The following ECT2 variants were observed in gnomAD, a reference collection of about 807,000 sequenced individuals.
ECT2 encodes protein ECT2.
Under a neutral mutation model 116.9 loss-of-function variants are expected in ECT2, and 61 were observed. That is an observed-to-expected ratio of 0.52 (90% CI 0.42 to 0.65). The LOEUF is 0.65. ECT2 is among the 30% of genes least tolerant of loss of function. ECT2 has a pLI of 0.00. For missense variants in ECT2, 937 were observed against 1,078.7 expected, an observed-to-expected ratio of 0.87 and a Z score of 1.84; for synonymous variants, 358 against 346.4, an observed-to-expected ratio of 1.03 and a Z score of -0.37.
intron 22 of ECT2, among the ~76,000 whole-genome samples, chr3:172,809,074 T>G (rs1489207408): frequency 6.6e-6 from 1 of 151,348 alleles, no homozygotes; most frequent in Non-Finnish European, 1.5e-5. Flanking sequence ...CATTGTAAGG[T>G]TTTTTTTTGT....
intron 4 of ECT2, among the ~76,000 whole-genome samples, chr3:172,756,434 G>C (rs1717002761): frequency 6.6e-6 from 1 of 152,032 alleles, no homozygotes; most frequent in African/African-American, 2.4e-5. Context: ...TGCTGCAACT[G>C]CTACATATTG....
chr3:172,829,014 C>T, the ECT2 span: 1 of 921,796 alleles, frequency 1.1e-6, no homozygotes, highest in Admixed American at 1.7e-5. Context: ...TGGTCTGGAA[C>T]TCCTGTCTGG....
intron 14 of ECT2, among the ~76,000 whole-genome samples, chr3:172,776,191 G>GTTTTTTT (rs1294531373): frequency 1.9e-5 from 2 of 106,978 alleles, no homozygotes; most frequent in African/African-American, 8.0e-5. Context: ...TAGTTTTTCA[G>GTTTTTTT]TTTTTTCTTT....
intron 12 of ECT2, among the ~76,000 whole-genome samples, chr3:172,767,116 G>A (rs1362448390): frequency 6.6e-6 from 1 of 152,206 alleles, no homozygotes; most frequent in Admixed American, 6.5e-5. Context: ...TGTTTGACAA[G>A]TGGGAAATTT....
intron 18 of ECT2, among the ~76,000 whole-genome samples, chr3:172,793,457 T>C (rs955340177): frequency 6.7e-6 from 1 of 148,214 alleles, no homozygotes; most frequent in African/African-American, 2.5e-5. Flanking sequence ...CCAGCCTATT[T>C]TTTACTTTTT....
chr3:172,815,741 C>A, intron 23 of ECT2, 30 bp downstream of exon 23: 1 of 1,301,306 alleles, frequency 7.7e-7, no homozygotes, highest in Non-Finnish European at 1.1e-6. Flanking sequence ...TTATTTAGCA[C>A]ATCTCTAACA....
At chr3:172,754,925 A>G (rs1716658247) in intron 2 of ECT2, among the ~76,000 whole-genome samples, 1 of 152,104 alleles carries the variant, frequency 6.6e-6, no homozygotes, top group Non-Finnish European at 1.5e-5. Flanking sequence ...CTACAGCATT[A>G]TTAGCTAGAA....
chr3:172,768,113 C>T (rs945206765), intron 12 of ECT2, among the ~76,000 whole-genome samples: 3 of 152,058 alleles, frequency 2.0e-5, no homozygotes, highest in East Asian at 3.9e-4. Context: ...TTTTATATTA[C>T]GTTAAGACAG....
chr3:172,793,954 G>A (rs1278413222), intron 18 of ECT2, among the ~76,000 whole-genome samples: 1 of 150,958 alleles, frequency 6.6e-6, no homozygotes, highest in East Asian at 1.9e-4. Flanking sequence ...TGTTTTTTTT[G>A]TAATTGAATT....
chr3:172,816,712 T>C lies in ECT2; in HGVS notation c.2530T>C (p.Ser844Pro). The C allele has an allele frequency of 6.2e-7, 1 of 1,604,758 alleles. No individual in the cohort carries two copies. The highest frequency in any genetic ancestry group is 1.7e-5 in the Admixed American group (1 of 59,600). The change falls in exon 24 of 25, where the codon TCC becomes CCC. Residue 844 changes from serine to proline, a missense_variant. Transcript: ENST00000392692. ...SKKVTRAFSFSKTPKRALRRA... is the reference protein window; with the variant it reads ...SKKVTRAFSFPKTPKRALRRA... ...CTAGGTTACAAGAGCATTCTCTTTC[T>C]CCAAAACTCCAAAAAGAGCTCTTCG...
chr3:172,758,677 G>T (rs1237138942), intron 5 of ECT2, among the ~76,000 whole-genome samples: 11 of 152,124 alleles, frequency 7.2e-5, no homozygotes, highest in Admixed American at 7.2e-4. Context: ...TGAAAACTTT[G>T]CTTATAGTCA....
intron 18 of ECT2, among the ~76,000 whole-genome samples, chr3:172,787,286 C>T (rs1723775660): frequency 6.6e-6 from 1 of 152,130 alleles, no homozygotes; most frequent in Non-Finnish European, 1.5e-5. Flanking sequence ...ATGAGAGTTT[C>T]TTGAAAGACT....
At chr3:172,826,817 G>A in the ECT2 span, among the ~76,000 whole-genome samples, 1 of 152,212 alleles carries the variant, frequency 6.6e-6, no homozygotes, top group African/African-American at 2.4e-5. Context: ...AAGCTAAAAG[G>A]CATCTTTACA....
chr3:172,767,318 G>A (rs1307677314), intron 12 of ECT2, among the ~76,000 whole-genome samples: 1 of 152,096 alleles, frequency 6.6e-6, no homozygotes, highest in Non-Finnish European at 1.5e-5. Flanking sequence ...GTGTGCGCCT[G>A]TAATCCCAGC....
chr3:172,793,386 ATC>A (rs1725029292), intron 18 of ECT2, among the ~76,000 whole-genome samples: 3 of 151,914 alleles, frequency 2.0e-5, no homozygotes, highest in African/African-American at 7.3e-5. Flanking sequence ...GTTGGCCTCG[ATC>A]TCCTGACCTC....
intron 17 of ECT2, 119 bp from the exon 18 acceptor site, chr3:172,786,374 A>G (rs1723609737): frequency 3.1e-6 from 2 of 638,490 alleles, no homozygotes; most frequent in South Asian, 5.3e-5. Flanking sequence ...AAACTTTTTA[A>G]AAAATAAGGA....
intron 7 of ECT2, among the ~76,000 whole-genome samples, chr3:172,760,480 C>T (rs997479271): frequency 6.6e-6 from 1 of 151,104 alleles, no homozygotes; most frequent in Non-Finnish European, 1.5e-5. Flanking sequence ...TGGGGTGTTG[C>T]TCTGTTACCC....
intron 20 of ECT2, among the ~76,000 whole-genome samples, chr3:172,805,313 A>G (rs1210479326): frequency 6.6e-6 from 1 of 152,110 alleles, no homozygotes; most frequent in African/African-American, 2.4e-5. Context: ...TCAAATTAAC[A>G]CTTGTTATTG....
At chr3:172,774,169 T>G (rs1721216280) in intron 14 of ECT2, 147 bp downstream of exon 14, 1 of 749,536 alleles carries the variant, frequency 1.3e-6, no homozygotes, top group Non-Finnish European at 2.2e-6. Context: ...ATTTGTCTCT[T>G]TGTTCCAGTG....
Sources: gnomAD v4.1 joint callset for allele counts (sites outside exome capture counted in the v4.1 genomes callset) on GRCh38, gnomAD v4.1.1 for gene constraint, MANE v1.5 for transcripts, NCBI Gene and HGNC (gene_info 2026-07-23, HGNC 2026-07-21) for gene names.